The following CEP112 variants were observed in gnomAD, a reference collection of about 807,000 sequenced individuals.
CEP112 encodes centrosomal protein 112.
Under a neutral mutation model 153.0 loss-of-function variants are expected in CEP112, and 127 were observed. The ratio of observed to expected loss-of-function variants is 0.83; its 90% CI spans 0.72 to 0.96. CEP112 has a LOEUF of 0.96. Among genes scored for constraint, CEP112 ranks in the 40% least tolerant of loss-of-function variants. The pLI is 0.00. For synonymous variants in CEP112, 358 were observed against 374.4 expected, an observed-to-expected ratio of 0.96 and a Z score of 0.51; for missense variants, 1,089 against 1,101.2, an observed-to-expected ratio of 0.99 and a Z score of 0.16.
chr17:65,872,525 T>C (rs1167824666), intron 20 of CEP112, among the ~76,000 whole-genome samples: 4 of 152,170 alleles, frequency 2.6e-5, no homozygotes, highest in Admixed American at 2.0e-4. Flanking sequence ...AGAAAACTTA[T>C]TCATCTTAGA....
chr17:65,839,108 C>CA (rs1313621321), intron 21 of CEP112, among the ~76,000 whole-genome samples: 1 of 151,852 alleles, frequency 6.6e-6, no homozygotes, highest in East Asian at 1.9e-4. Flanking sequence ...TCAAAGTCAA[C>CA]AAAAAAATGA....
intron 4 of CEP112, among the ~76,000 whole-genome samples, chr17:66,164,884 A>ATGTG (rs1472993107): frequency 9.6e-5 from 9 of 93,976 alleles, no homozygotes; most frequent in Non-Finnish European, 1.7e-4. Flanking sequence ...ATACACACAT[A>ATGTG]TATGTGTGTG....
intron 21 of CEP112, among the ~76,000 whole-genome samples, chr17:65,826,891 T>G (rs139328865): frequency 2.0e-5 from 3 of 152,102 alleles, no homozygotes; most frequent in African/African-American, 7.2e-5. Context: ...TGTGAGGGTG[T>G]TGGCAAAGGA....
chr17:66,141,104 C>T (rs2146609802), intron 4 of CEP112, among the ~76,000 whole-genome samples: 1 of 152,066 alleles, frequency 6.6e-6, no homozygotes, highest in African/African-American at 2.4e-5. Context: ...TCTTACACTT[C>T]CATTTGTTAT....
chr17:65,920,382 T>A (rs1387174962), intron 19 of CEP112, among the ~76,000 whole-genome samples: 2 of 101,166 alleles, frequency 2.0e-5, no homozygotes, highest in African/African-American at 8.2e-5. Flanking sequence ...TATATATATA[T>A]ATATATATAT....
chr17:65,784,243 G>A (rs1840142825), intron 21 of CEP112, among the ~76,000 whole-genome samples: 1 of 152,188 alleles, frequency 6.6e-6, no homozygotes, highest in South Asian at 2.1e-4. Flanking sequence ...CTGCATTTTT[G>A]CATGGTCTAA....
At chr17:66,046,764 G>A (rs1040865942) in intron 12 of CEP112, among the ~76,000 whole-genome samples, 2 of 151,658 alleles carry the variant, frequency 1.3e-5, no homozygotes, top group African/African-American at 4.9e-5. Context: ...ATTATGAGAA[G>A]GCCATGTGAA....
At chr17:66,047,158 C>A (rs2145882626) in intron 12 of CEP112, among the ~76,000 whole-genome samples, 1 of 151,948 alleles carries the variant, frequency 6.6e-6, no homozygotes, top group East Asian at 1.9e-4. Flanking sequence ...CCTCTGTTGC[C>A]CAGGCTGGAG....
chr17:65,969,921 T>C (rs1296230081), intron 17 of CEP112, among the ~76,000 whole-genome samples: 1 of 150,562 alleles, frequency 6.6e-6, no homozygotes, highest in Non-Finnish European at 1.5e-5. Context: ...TACATGCATA[T>C]CACATGCGCT....
At chr17:66,090,480 C>G (rs34457145) in intron 8 of CEP112, among the ~76,000 whole-genome samples, 55,103 of 151,738 alleles carry the variant, frequency 0.36, 11,069 homozygotes, top group Non-Finnish European at 0.45. Context: ...TTTAAAATAG[C>G]CTGTCATGAA....
At chr17:65,915,787 CAAAA>C (rs755351021) in intron 19 of CEP112, among the ~76,000 whole-genome samples, 7 of 56,586 alleles carry the variant, frequency 1.2e-4, no homozygotes, top group Non-Finnish European at 1.7e-4. Context: ...GACTCAAACT[CAAAA>C]AAAAAAAAAA....
chr17:66,143,097 G>A (rs1002499711), intron 4 of CEP112, among the ~76,000 whole-genome samples: 3 of 151,838 alleles, frequency 2.0e-5, no homozygotes, highest in Non-Finnish European at 1.5e-5. Flanking sequence ...TTTGATTTTT[G>A]TTGCCAAATG....
At chr17:66,107,378 T>C (rs1055612459) in intron 6 of CEP112, among the ~76,000 whole-genome samples, 1 of 152,070 alleles carries the variant, frequency 6.6e-6, no homozygotes, top group African/African-American at 2.4e-5. Flanking sequence ...TTATATAATC[T>C]TATATCTTAA....
intron 24 of CEP112, among the ~76,000 whole-genome samples, chr17:65,668,193 G>A (rs1257738627): frequency 6.6e-6 from 1 of 152,052 alleles, no homozygotes; most frequent in East Asian, 1.9e-4. Context: ...ACTGCGCCCG[G>A]CCTCCTTGGG....
intron 4 of CEP112, among the ~76,000 whole-genome samples, chr17:66,134,598 G>A (rs1444427665): frequency 6.6e-6 from 1 of 152,192 alleles, no homozygotes; most frequent in Non-Finnish European, 1.5e-5. Flanking sequence ...AGCACTTTGG[G>A]AGGCCAAGGT....
intron 18 of CEP112, among the ~76,000 whole-genome samples, chr17:65,929,856 A>C (rs913394126): frequency 6.6e-6 from 1 of 152,224 alleles, no homozygotes; most frequent in Admixed American, 6.5e-5. Context: ...ACACAAAATA[A>C]ATAAAAGCAT....
chr17:66,166,755 T>C (rs1279281526), intron 4 of CEP112, among the ~76,000 whole-genome samples: 2 of 151,750 alleles, frequency 1.3e-5, no homozygotes, highest in Non-Finnish European at 2.9e-5. Context: ...AATAAAAAAA[T>C]TAGCCAGGCG....
Position 66,029,246 on chromosome 17 carries a change from G to A in CEP112, c.1380C>T (p.Asn460=). 6.2e-7 allele frequency: 1 copy of A among 1,607,560 alleles called. No individual in the cohort carries two copies. Among genetic ancestry groups the A allele is most frequent in the Non-Finnish European group, 8.5e-7 (1 of 1,177,322 alleles). Residue 460 remains asparagine (N), a synonymous_variant, in exon 14 of 27, where the codon AAC becomes AAT. Coordinates refer to ENST00000535342, the MANE Select transcript of CEP112 (RefSeq NM_001199165.4). ...SELQEVKARR[N]TLHKEKDHLV... is the part of the protein sequence containing the mutation. Reference sequence around the variant, plus strand: ...GATGGTCCTTCTCTTTATGCAGTGTGTTACGCCTAAAAACAAGAGAATAAA... The same window carrying A: ...GATGGTCCTTCTCTTTATGCAGTGTATTACGCCTAAAAACAAGAGAATAAA...
At chr17:65,654,867 T>G in intron 24 of CEP112, 1 of 475,358 alleles carries the variant, frequency 2.1e-6, no homozygotes, top group Non-Finnish European at 4.1e-6. Flanking sequence ...CTGAATAAGA[T>G]TGAGGTTGTC....
Sources: gnomAD v4.1 joint callset for allele counts (sites outside exome capture counted in the v4.1 genomes callset) on GRCh38, gnomAD v4.1.1 for gene constraint, MANE v1.5 for transcripts, NCBI Gene and HGNC (gene_info 2026-07-23, HGNC 2026-07-21) for gene names.